The following SERGEF variants were observed in gnomAD, a reference collection of about 807,000 sequenced individuals.
The protein encoded by SERGEF is secretion-regulating guanine nucleotide exchange factor.
In SERGEF, 51 loss-of-function variants were observed where a neutral mutation model predicts 50.0. That is an observed-to-expected ratio of 1.02 (90% CI 0.81 to 1.29). SERGEF has a LOEUF of 1.29. Ranked by LOEUF, SERGEF falls within the 50% of genes most tolerant of loss-of-function variation. The probability of loss-of-function intolerance (pLI) is 0.00; values close to 1 mark genes in which losing one functional copy is unlikely to be tolerated. For synonymous variants in SERGEF, 205 were observed against 212.4 expected (o/e 0.97, Z 0.30); for missense variants, 521 against 557.0 (o/e 0.94, Z 0.65).
At chr11:17,906,254 G>A (rs1263980128) in intron 9 of SERGEF, among the ~76,000 whole-genome samples, 2 of 152,096 alleles carry the variant, frequency 1.3e-5, no homozygotes, top group South Asian at 2.1e-4. Flanking sequence ...CCTCATTACC[G>A]TGCAGAACTC....
intron 10 of SERGEF, among the ~76,000 whole-genome samples, chr11:17,798,357 C>T (rs1849604548): frequency 1.3e-5 from 2 of 152,230 alleles, no homozygotes; most frequent in Non-Finnish European, 2.9e-5. Context: ...GGCACCTCAT[C>T]TGACAGCAGC....
At chr11:17,959,753 T>C (rs1028102209) in intron 8 of SERGEF, 117 bp from the exon 9 acceptor site, 4 of 844,966 alleles carry the variant, frequency 4.7e-6, no homozygotes, top group Non-Finnish European at 7.2e-6. Flanking sequence ...CCAGGAGCCT[T>C]CCTATCTTCC....
chr11:17,968,818 T>A (rs767865256), intron 8 of SERGEF, among the ~76,000 whole-genome samples: 3 of 152,012 alleles, frequency 2.0e-5, no homozygotes, highest in Non-Finnish European at 4.4e-5. Flanking sequence ...ATGACGTTAA[T>A]TGCTACAGAG....
At chr11:17,791,236 A>G (rs1408474348) in intron 10 of SERGEF, among the ~76,000 whole-genome samples, 2 of 152,228 alleles carry the variant, frequency 1.3e-5, no homozygotes, top group Non-Finnish European at 2.9e-5. Flanking sequence ...ATCTTTATGC[A>G]TGAGTCTTTG....
intron 10 of SERGEF, among the ~76,000 whole-genome samples, chr11:17,867,635 G>A (rs1422779958): frequency 6.6e-6 from 1 of 152,212 alleles, no homozygotes; most frequent in Non-Finnish European, 1.5e-5. Context: ...GGGAGTCTGT[G>A]TCGGGGCTCT....
intron 9 of SERGEF, among the ~76,000 whole-genome samples, chr11:17,909,979 C>G (rs1160185198): frequency 6.6e-6 from 1 of 152,140 alleles, no homozygotes; most frequent in Non-Finnish European, 1.5e-5. Context: ...CTCTCTTTGT[C>G]TAGTTCCCTA....
At chr11:17,940,755 G>C (rs1225184413) in intron 9 of SERGEF, among the ~76,000 whole-genome samples, 3 of 151,932 alleles carry the variant, frequency 2.0e-5, no homozygotes, top group Non-Finnish European at 4.4e-5. Flanking sequence ...TCAGTCTTAC[G>C]GCCCCTTTCT....
intron 10 of SERGEF, among the ~76,000 whole-genome samples, chr11:17,804,475 T>A (rs1187531540): frequency 2.0e-5 from 3 of 152,170 alleles, no homozygotes; most frequent in Admixed American, 6.5e-5. Context: ...AGAAGAGAAG[T>A]CAGCATTCAT....
chr11:17,972,579 A>G (rs1590226340), intron 8 of SERGEF, among the ~76,000 whole-genome samples: 1 of 152,248 alleles, frequency 6.6e-6, no homozygotes, highest in Admixed American at 6.5e-5. Context: ...TATAGTATAC[A>G]GTATAGTATA....
intron 10 of SERGEF, among the ~76,000 whole-genome samples, chr11:17,797,843 G>A (rs779507932): frequency 4.6e-5 from 7 of 152,202 alleles, no homozygotes; most frequent in East Asian, 1.9e-4. Flanking sequence ...ATTGTAGCTC[G>A]CTATCAGGAA....
chr11:17,875,654 T>C (rs118027496), intron 10 of SERGEF, among the ~76,000 whole-genome samples: 4,884 of 152,332 alleles, frequency 0.032, 106 homozygotes, highest in South Asian at 0.1. Context: ...ACAACAAATA[T>C]ACTTTGAGGA....
chr11:17,986,592 C>T (rs1040746562), intron 8 of SERGEF, among the ~76,000 whole-genome samples: 12 of 152,210 alleles, frequency 7.9e-5, no homozygotes, highest in East Asian at 1.9e-4. Flanking sequence ...ATGTGGGAAT[C>T]GCATCAGCTA....
Position 18,013,007 on chromosome 11 carries a change from C to A in SERGEF, c.4G>T (p.Glu2Ter). The A allele has an allele frequency of 7.0e-7, 1 of 1,426,342 alleles. No individual in the cohort carries two copies. The highest frequency in any genetic ancestry group is 9.1e-7 in the Non-Finnish European group (1 of 1,101,418). The allele number at this position is 1,426,342 out of a possible 1,614,324, so 88.4% of individuals were successfully genotyped here. ...GCCTCCGAGGCGCTGGGCTCGCGCT[C>A]CATGCGAGGACGCTCCGCCGGCGCT... is the stretch of plus-strand genomic sequence containing the variant. M[E>*]REPSASEAAP... The change falls in exon 1 of 11, where the codon GAG (glutamate) becomes TAG (stop). Residue 2 changes from glutamate to a stop codon, truncating the protein, a stop_gained. Coordinates refer to ENST00000265965, the MANE Select transcript of SERGEF (RefSeq NM_012139.4). LOFTEE classifies it high-confidence loss of function. The surrounding 1 kb of genome is among the most constrained non-coding windows in gnomAD (Gnocchi z 4.3).
chr11:17,856,313 TC>T (rs760885068), intron 10 of SERGEF: 4 of 152,550 alleles, frequency 2.6e-5, no homozygotes, highest in Non-Finnish European at 5.9e-5. Flanking sequence ...CACTAGGCCC[TC>T]TCTTATATTG....
At chr11:17,807,866 C>T (rs1347565153) in intron 10 of SERGEF, among the ~76,000 whole-genome samples, 1 of 152,138 alleles carries the variant, frequency 6.6e-6, no homozygotes, top group Non-Finnish European at 1.5e-5. Flanking sequence ...GCAGCCATTG[C>T]CTCCCCCAGT....
chr11:17,814,681 T>C (rs1849931845), intron 10 of SERGEF, among the ~76,000 whole-genome samples: 1 of 152,258 alleles, frequency 6.6e-6, no homozygotes, highest in African/African-American at 2.4e-5. Context: ...GCTTGCTAAC[T>C]ATGATTCCAA....
rs369379076 is a variant in SERGEF at position 17,815,046 on chromosome 11, G to T, written c.1049-26633C>A. ...GATAAAAAATTAAAAAATTAGCCAG[G>T]TGTGGTGGCATGAGCCTGTAGTTCT... On this transcript the variant is annotated intron_variant, in intron 10 of 10. Coordinates refer to ENST00000265965, the MANE Select transcript of SERGEF (RefSeq NM_012139.4). Among the ~76,000 whole-genome samples, 38 of 152,192 alleles carry T rather than the reference G, an allele frequency of 2.5e-4. No homozygotes were observed. In the East Asian group the frequency reaches 4.3e-3, roughly 17 times the overall value.
At chr11:17,911,331 ATATATATTATATATAATATATATATTT>A (rs1199341746) in intron 9 of SERGEF, among the ~76,000 whole-genome samples, 1 of 146,252 alleles carries the variant, frequency 6.8e-6, no homozygotes, top group Non-Finnish European at 1.5e-5. Flanking sequence ...TATATATTAT[ATATATATTATATATAATATATATATTT>A]TATATATTAA....
Position 18,012,808 on chromosome 11 carries a change from C to A in SERGEF, c.60+143G>T, listed in dbSNP as rs761129918. 3.4e-5 allele frequency: 51 copies of A among 1,507,998 alleles called. No individual in the cohort carries two copies. In the South Asian group the frequency reaches 5.8e-4, roughly 17 times the overall value. The allele number at this position is 1,507,998 out of a possible 1,614,324, so 93.4% of individuals were successfully genotyped here. On this transcript the variant is annotated intron_variant, in intron 1 of 10. Coordinates refer to ENST00000265965, the MANE Select transcript of SERGEF (RefSeq NM_012139.4). ...GCCCGCTCCTCCTCCGCTCCCCCTCCGCTCCCAGCCCAGGATCCTTCAACC... is the reference window on the plus strand; with the variant it reads ...GCCCGCTCCTCCTCCGCTCCCCCTCAGCTCCCAGCCCAGGATCCTTCAACC...
Sources: allele counts gnomAD v4.1 joint callset (sites outside exome capture counted in the v4.1 genomes callset), GRCh38; gene constraint gnomAD v4.1.1; non-coding constraint Gnocchi (gnomAD v3.1); transcripts MANE v1.5; gene names NCBI Gene and HGNC (gene_info 2026-07-23, HGNC 2026-07-21).